STXBP4: variants seen among roughly 807,000 people sequenced by gnomAD.
The protein encoded by STXBP4 is syntaxin-binding protein 4.
A neutral mutation model predicts 76.1 loss-of-function variants in STXBP4; 55 were observed. The ratio of observed to expected loss-of-function variants is 0.72; its 90% CI spans 0.58 to 0.91. STXBP4 has a LOEUF of 0.91. Among genes scored for constraint, STXBP4 ranks in the 40% least tolerant of loss-of-function variants. STXBP4 has a pLI of 0.00. For synonymous variants in STXBP4, 201 were observed against 220.2 expected, an observed-to-expected ratio of 0.91 and a Z score of 0.77; for missense variants, 618 against 636.9, an observed-to-expected ratio of 0.97 and a Z score of 0.32.
intron 8 of STXBP4, among the ~76,000 whole-genome samples, chr17:55,010,710 T>C (rs1484685632): frequency 6.6e-6 from 1 of 152,146 alleles, no homozygotes; most frequent in African/African-American, 2.4e-5. Context: ...CCTCTTGCCA[T>C]TTCTGTAACG....
chr17:55,186,258 C>T, the STXBP4 span, among the ~76,000 whole-genome samples: 2 of 152,084 alleles, frequency 1.3e-5, no homozygotes, highest in African/African-American at 4.8e-5. Flanking sequence ...TCCTGCAGTG[C>T]ATAAATGCAT....
At chr17:55,147,956 A>G (rs2080175380) in intron 17 of STXBP4, among the ~76,000 whole-genome samples, 2 of 152,320 alleles carry the variant, frequency 1.3e-5, no homozygotes, top group African/African-American at 2.4e-5. Flanking sequence ...TCTAGAGTGT[A>G]TTGCTAGCAC....
chr17:55,049,846 A>C (rs182148936), intron 12 of STXBP4, among the ~76,000 whole-genome samples: 2 of 152,208 alleles, frequency 1.3e-5, no homozygotes, highest in East Asian at 3.9e-4. Context: ...TTTCTGTAGA[A>C]GAGATAAAGT....
At chr17:55,017,625 G>T (rs1195291909) in intron 8 of STXBP4, among the ~76,000 whole-genome samples, 1 of 152,220 alleles carries the variant, frequency 6.6e-6, no homozygotes, top group African/African-American at 2.4e-5. Context: ...AAAGGTAGGG[G>T]TGCACGCATG....
the STXBP4 span, among the ~76,000 whole-genome samples, chr17:55,208,609 A>AAGGAAGGAAGGAAG: frequency 0.066 from 1,828 of 27,746 alleles, 82 homozygotes; most frequent in African/African-American, 0.12. Context: ...AAGGAAGGAA[A>AAGGAAGGAAGGAAG]GAGAGAGGGA....
chr17:55,053,692 G>GACA (rs2078889796), intron 12 of STXBP4, among the ~76,000 whole-genome samples: 1 of 151,922 alleles, frequency 6.6e-6, no homozygotes, highest in African/African-American at 2.4e-5. Context: ...AAATATTTTT[G>GACA]TACTTTAATT....
chr17:54,978,117 G>C lies in STXBP4; in HGVS notation c.-156-7497G>C, dbSNP rs972024756. Among the ~76,000 whole-genome samples the C allele has an allele frequency of 2.0e-5, 3 of 152,082 alleles. No homozygotes were observed. The East Asian group carries it at 5.8e-4, about 29-fold the overall frequency. ...GGACGTATATTTTAAAAAGAAAATC[G>C]TTCCCTCAAAAAACATTGGGAGACT... On this transcript the variant is annotated intron_variant, in intron 1 of 17. Transcript: ENST00000376352.
chr17:55,119,506 G>T (rs2079819904), intron 16 of STXBP4, among the ~76,000 whole-genome samples: 2 of 151,948 alleles, frequency 1.3e-5, no homozygotes, highest in African/African-American at 4.8e-5. Context: ...GGAAATGAGA[G>T]CTGATATATT....
chr17:55,057,718 G>A (rs776593899), intron 12 of STXBP4, among the ~76,000 whole-genome samples: 6 of 151,992 alleles, frequency 3.9e-5, no homozygotes, highest in Non-Finnish European at 5.9e-5. Flanking sequence ...TCCACCGCCC[G>A]ACAGGCCCCA....
rs1170784524 is a variant in STXBP4, at chr17:55,171,074, C to G, written c.*11163C>G. 6.6e-6 allele frequency: 1 copy of G among 152,114 alleles called. No individual in the cohort carries two copies. Among genetic ancestry groups the G allele is most frequent in the African/African-American group, 2.4e-5 (1 of 41,410 alleles). 9.4% of individuals were successfully genotyped at this position (152,114 alleles called of 1,614,324 possible). On this transcript the variant is annotated 3_prime_UTR_variant, in exon 18 of 18. Coordinates refer to ENST00000376352, the MANE Select transcript of STXBP4 (RefSeq NM_178509.6). ...AGATCCTGGACCTATTTTTTTCTGC[C>G]TTGAAAACTTTTGTGCAGTAAAACC...
At chr17:54,993,074 G>A (rs1343992142) in intron 4 of STXBP4, among the ~76,000 whole-genome samples, 1 of 152,090 alleles carries the variant, frequency 6.6e-6, no homozygotes, top group African/African-American at 2.4e-5. Flanking sequence ...AAAACTATTT[G>A]GAGTTAGAGT....
intron 12 of STXBP4, among the ~76,000 whole-genome samples, chr17:55,049,499 C>T (rs2078832621): frequency 1.3e-5 from 2 of 151,530 alleles, no homozygotes; most frequent in Admixed American, 1.3e-4. Context: ...GCGTAGCAGT[C>T]AATAAATATT....
intron 10 of STXBP4, among the ~76,000 whole-genome samples, chr17:55,037,548 G>A (rs191087667): frequency 2.5e-3 from 383 of 152,128 alleles, no homozygotes; most frequent in Non-Finnish European, 4.0e-3. Flanking sequence ...AGCGCTAATG[G>A]CAATTGTGCA....
chr17:54,996,110 G>A (rs1027906339), intron 4 of STXBP4, among the ~76,000 whole-genome samples: 16 of 151,760 alleles, frequency 1.1e-4, no homozygotes, highest in Non-Finnish European at 4.4e-5. Flanking sequence ...AAGTAAAAGT[G>A]CTTTTTGAGC....
At chr17:55,049,070 C>T (rs538240910) in intron 12 of STXBP4, among the ~76,000 whole-genome samples, 1 of 151,854 alleles carries the variant, frequency 6.6e-6, no homozygotes, top group Admixed American at 6.5e-5. Context: ...CTCAAAACAA[C>T]ATGCAAAGTA....
chr17:54,991,008 G>T (rs2077707906), intron 4 of STXBP4, 51 bp downstream of exon 4: 7 of 1,454,796 alleles, frequency 4.8e-6, no homozygotes, highest in Non-Finnish European at 5.4e-6. Flanking sequence ...AGACCCACCA[G>T]TGGTAAAGTT....
chr17:55,012,863 G>A (rs1466796123), intron 8 of STXBP4, among the ~76,000 whole-genome samples: 2 of 152,134 alleles, frequency 1.3e-5, no homozygotes, highest in Non-Finnish European at 2.9e-5. Flanking sequence ...CCCTCGAGTG[G>A]CATAGGTTTG....
intron 12 of STXBP4, among the ~76,000 whole-genome samples, chr17:55,058,076 A>G (rs1299781122): frequency 6.6e-6 from 1 of 152,098 alleles, no homozygotes; most frequent in Non-Finnish European, 1.5e-5. Context: ...ACCCAGTAAG[A>G]GGATTGCTGG....
chr17:55,159,120 C>A (rs1413640783), intron 17 of STXBP4, among the ~76,000 whole-genome samples: 1 of 152,120 alleles, frequency 6.6e-6, no homozygotes, highest in Non-Finnish European at 1.5e-5. Flanking sequence ...TGGTGCGCAC[C>A]TTTAGCCCTA....
Sources: gnomAD v4.1 joint callset for allele counts (sites outside exome capture counted in the v4.1 genomes callset) on GRCh38, gnomAD v4.1.1 for gene constraint, MANE v1.5 for transcripts, NCBI Gene and HGNC (gene_info 2026-07-23, HGNC 2026-07-21) for gene names.